Variants in BCAS3 observed in about 807,000 individuals in gnomAD.
BCAS3 encodes the protein BCAS4/BCAS3 fusion.
A neutral mutation model predicts 116.1 loss-of-function variants in BCAS3; 53 were observed. The observed-to-expected ratio is 0.46, with a 90% CI of 0.37 to 0.57. The LOEUF (loss-of-function observed/expected upper bound fraction) is 0.57, where lower values mean the gene tolerates loss of function less well. BCAS3 is among the 20% of genes least tolerant of loss of function. The probability of loss-of-function intolerance (pLI) is 0.00; values close to 1 mark genes in which losing one functional copy is unlikely to be tolerated. For synonymous variants in BCAS3, 391 were observed against 408.2 expected, an observed-to-expected ratio of 0.96 and a Z score of 0.51; for missense variants, 917 against 1,165.4, an observed-to-expected ratio of 0.79 and a Z score of 3.10.
intron 12 of BCAS3, among the ~76,000 whole-genome samples, chr17:60,919,208 T>G (rs1003610388): frequency 2.0e-5 from 3 of 152,272 alleles, no homozygotes; most frequent in East Asian, 1.9e-4. Flanking sequence ...ATACATTTTT[T>G]GGGGGGGTTA....
chr17:60,878,171 G>A (rs927262149), intron 9 of BCAS3, among the ~76,000 whole-genome samples: 3 of 151,786 alleles, frequency 2.0e-5, no homozygotes, highest in Admixed American at 6.6e-5. Flanking sequence ...CACCACGCCC[G>A]GCTAATTTTT....
intron 13 of BCAS3, among the ~76,000 whole-genome samples, chr17:60,944,836 A>C (rs1050547934): frequency 2.6e-5 from 4 of 152,140 alleles, no homozygotes; most frequent in Non-Finnish European, 5.9e-5. Context: ...TCATTATAAA[A>C]ACTCTCAACA....
intron 22 of BCAS3, among the ~76,000 whole-genome samples, chr17:61,301,650 C>G (rs1158854893): frequency 6.6e-6 from 1 of 152,126 alleles, no homozygotes; most frequent in East Asian, 1.9e-4. Context: ...AAACAAAAGA[C>G]TGATTTCTCT....
At chr17:60,687,284 T>G (rs1186886928) in intron 3 of BCAS3, among the ~76,000 whole-genome samples, 1 of 152,130 alleles carries the variant, frequency 6.6e-6, no homozygotes, top group Non-Finnish European at 1.5e-5. Flanking sequence ...AAAGGAAAAG[T>G]GTGGCAGTAC....
chr17:61,380,640 G>A lies in BCAS3; in HGVS notation c.2594-11337G>A. The A allele has an allele frequency of 6.7e-7, 1 of 1,483,786 alleles. No homozygotes were observed. The highest frequency in any genetic ancestry group is 9.2e-7 in the Non-Finnish European group (1 of 1,082,038). 91.9% of individuals were successfully genotyped at this position (1,483,786 alleles called of 1,614,324 possible). ...GTTGCTTCTTTTGTCCCTCAAGAGG[G>A]TGCCCTCCTACCCCCTCGTGCCCAG... is the stretch of plus-strand genomic sequence containing the variant. On this transcript the variant is annotated intron_variant, in intron 23 of 23. Coordinates refer to ENST00000407086, the MANE Select transcript of BCAS3 (RefSeq NM_017679.5). The surrounding 1 kb of genome is among the most constrained non-coding windows in gnomAD (Gnocchi z 4.2).
intron 1 of BCAS3, 25 bp from the exon 2 acceptor site, chr17:60,679,428 G>T (rs553962227): frequency 2.6e-6 from 4 of 1,525,554 alleles, no homozygotes; most frequent in Admixed American, 1.7e-5. Context: ...TCTGTTTTTT[G>T]TTTGTTTGTT....
chr17:60,923,054 C>T (rs2059187513), intron 12 of BCAS3, among the ~76,000 whole-genome samples: 1 of 151,946 alleles, frequency 6.6e-6, no homozygotes, highest in South Asian at 2.1e-4. Context: ...AAATTATAAC[C>T]AATGCAAGAC....
chr17:60,923,972 G>C (rs188691415), intron 12 of BCAS3, among the ~76,000 whole-genome samples: 36 of 152,194 alleles, frequency 2.4e-4, no homozygotes, highest in Admixed American at 1.4e-3. Context: ...AAATTATGTT[G>C]TTTCCCCCCC....
chr17:61,353,560 G>A (rs1355523698), intron 22 of BCAS3: 1 of 152,402 alleles, frequency 6.6e-6, no homozygotes. Flanking sequence ...ACGGGGAATA[G>A]TAATCGTTGC....
At chr17:61,273,256 GCAC>G (rs1028562309) in intron 22 of BCAS3, among the ~76,000 whole-genome samples, 11 of 151,598 alleles carry the variant, frequency 7.3e-5, no homozygotes, top group African/African-American at 2.7e-4. Flanking sequence ...CTACAGGCGC[GCAC>G]CACCACCCCT....
rs1409567632 is a variant in BCAS3 at position 61,104,192 on chromosome 17, G to A, written c.2425+19628G>A. On this transcript the variant is annotated intron_variant, in intron 22 of 23. Transcript: ENST00000407086. This position sits in a 1 kb window ranked among gnomAD's most constrained non-coding sequence, Gnocchi z 4.1. The stretch of plus-strand genomic sequence containing the variant: ...AAAATTCCAGGAGTTGGGTGGGCTT[G>A]ATGTCCTCTCTCCCATTCCACCTCC... Among the ~76,000 whole-genome samples the A allele has an allele frequency of 1.3e-5, 2 of 152,150 alleles. No individual in the cohort carries two copies. The highest frequency in any genetic ancestry group is 2.9e-5 in the Non-Finnish European group (2 of 68,028).
rs1374198159 is a variant in BCAS3 at position 61,156,548 on chromosome 17, C to T, written c.2425+71984C>T. Among the ~76,000 whole-genome samples the T allele has an allele frequency of 6.6e-6, 1 of 152,120 alleles. No homozygotes were observed. The highest frequency in any genetic ancestry group is 2.4e-5 in the African/African-American group (1 of 41,420). On this transcript the variant is annotated intron_variant, in intron 22 of 23. Transcript: ENST00000407086. The surrounding 1 kb of genome is among the most constrained non-coding windows in gnomAD (Gnocchi z 4.7). ...CTGAGGTTGGAACGGGCTTGCTTCT[C>T]TCTCTCACCTTCTCCCTACCCAACC... is the stretch of plus-strand genomic sequence containing the variant.
At chr17:61,273,827 C>A (rs973153144) in intron 22 of BCAS3, among the ~76,000 whole-genome samples, 11 of 148,828 alleles carry the variant, frequency 7.4e-5, no homozygotes, top group African/African-American at 2.7e-4. Flanking sequence ...AGTGTTTAAT[C>A]TTTTGTCAAG....
chr17:61,201,820 G>T (rs373563253), intron 22 of BCAS3, among the ~76,000 whole-genome samples: 1 of 150,786 alleles, frequency 6.6e-6, no homozygotes, highest in Non-Finnish European at 1.5e-5. Flanking sequence ...GTGCAGTGGC[G>T]CAATCTCGGC....
rs564483029 is a variant in BCAS3 at position 61,181,678 on chromosome 17, T to C, written c.2425+97114T>C. Among the ~76,000 whole-genome samples, 108 of 152,310 alleles carry C rather than the reference T, an allele frequency of 7.1e-4. No homozygotes were observed. The highest frequency in any genetic ancestry group is 2.5e-3 in the African/African-American group (103 of 41,572). On this transcript the variant is annotated intron_variant, in intron 22 of 23. Coordinates refer to ENST00000407086, the MANE Select transcript of BCAS3 (RefSeq NM_017679.5). This position sits in a 1 kb window ranked among gnomAD's most constrained non-coding sequence, Gnocchi z 5.0. ...TTCTGTTACTCTGATCATCTACATA[T>C]AGAGATACACTGGATGATAAGAGTC... is the stretch of plus-strand genomic sequence containing the variant.
chr17:60,901,443 T>C (rs1002243179), intron 10 of BCAS3, among the ~76,000 whole-genome samples: 12 of 152,210 alleles, frequency 7.9e-5, no homozygotes, highest in African/African-American at 2.9e-4. Context: ...AATGATCACT[T>C]TTCAAATTCT....
rs534095123 is a variant in BCAS3 at position 61,065,529 on chromosome 17, G to T, written c.2030-9391G>T. Among the ~76,000 whole-genome samples the T allele has an allele frequency of 1.4e-4, 21 of 152,268 alleles. No homozygotes were observed. The highest frequency in any genetic ancestry group is 1.2e-3 in the Admixed American group (18 of 15,282). On this transcript the variant is annotated intron_variant, in intron 19 of 23. Coordinates refer to ENST00000407086, the MANE Select transcript of BCAS3 (RefSeq NM_017679.5). This position sits in a 1 kb window ranked among gnomAD's most constrained non-coding sequence, Gnocchi z 4.8. ...TTGAGCCTGAGCTGTTTCATTCAAGGCAGCATGATGTCATTTAACTGCAAA... is the reference window on the plus strand; with the variant it reads ...TTGAGCCTGAGCTGTTTCATTCAAGTCAGCATGATGTCATTTAACTGCAAA...
chr17:61,036,967 T>C (rs2067086071), intron 17 of BCAS3, among the ~76,000 whole-genome samples: 1 of 152,120 alleles, frequency 6.6e-6, no homozygotes, highest in Non-Finnish European at 1.5e-5. Context: ...GGTCCAGAGA[T>C]TTTTCCATAT....
At chr17:60,877,548 A>G (rs2055728543) in intron 9 of BCAS3, among the ~76,000 whole-genome samples, 1 of 152,186 alleles carries the variant, frequency 6.6e-6, no homozygotes, top group African/African-American at 2.4e-5. Flanking sequence ...GTATTCCTGA[A>G]TACTTCCACC....
Sources: allele counts gnomAD v4.1 joint callset (sites outside exome capture counted in the v4.1 genomes callset), GRCh38; gene constraint gnomAD v4.1.1; non-coding constraint Gnocchi (gnomAD v3.1); transcripts MANE v1.5; gene names NCBI Gene and HGNC (gene_info 2026-07-23, HGNC 2026-07-21).